Variants in LHPP observed in about 807,000 individuals in gnomAD.
LHPP encodes the protein hLHPP.
LHPP carries 24 observed loss-of-function variants against 30.3 expected under a neutral mutation model. That is an observed-to-expected ratio of 0.79 (90% CI 0.57 to 1.11). The LOEUF is 1.11. LHPP is among the 50% of genes most tolerant of loss of function. LHPP has a pLI of 0.00. For missense variants in LHPP, 356 were observed against 367.2 expected, an observed-to-expected ratio of 0.97 and a Z score of 0.25; for synonymous variants, 150 against 157.1, an observed-to-expected ratio of 0.95 and a Z score of 0.34.
chr10:124,574,324 C>A (rs974785000), intron 6 of LHPP, among the ~76,000 whole-genome samples: 53 of 152,180 alleles, frequency 3.5e-4, no homozygotes, highest in Non-Finnish European at 7.2e-4. Flanking sequence ...AGCAGGCTCG[C>A]CCCCCTGCGA....
At position 124,563,313 on chromosome 10, in the gene LHPP, C is replaced by CTTTTTT. The variant is rs58678509; in HGVS notation, c.716+46052_716+46057dup. Reference sequence around the variant, plus strand: ...AGAAACAATCTCTCTCTCTCTTTTTCTTTTTTTTTTTTTTTGCATAAAATC... The same window carrying CTTTTTT: ...AGAAACAATCTCTCTCTCTCTTTTTCTTTTTTTTTTTTTTTTTTTTTGCATAAAATC... On this transcript the variant is annotated intron_variant, in intron 6 of 6. Transcript: ENST00000368842. Among the ~76,000 whole-genome samples, 255 of 139,016 alleles carry CTTTTTT rather than the reference C, an allele frequency of 1.8e-3. 16 individuals carry two copies. The highest frequency in any genetic ancestry group is 3.3e-3 in the Admixed American group (45 of 13,750). 91.2% of individuals were successfully genotyped at this position (139,016 alleles called of 152,430 possible).
chr10:124,601,983 G>A (rs1949029006), intron 6 of LHPP, among the ~76,000 whole-genome samples: 1 of 152,318 alleles, frequency 6.6e-6, no homozygotes, highest in South Asian at 2.1e-4. Context: ...CTCCATGTGT[G>A]CTGTGCCCCG....
intron 6 of LHPP, among the ~76,000 whole-genome samples, chr10:124,563,712 A>G (rs1038228425): frequency 6.6e-6 from 1 of 152,232 alleles, no homozygotes; most frequent in Non-Finnish European, 1.5e-5. Context: ...CCCCAAATTA[A>G]AAGTTTACTA....
At chr10:124,547,842 C>A (rs1277707827) in intron 6 of LHPP, among the ~76,000 whole-genome samples, 1 of 152,228 alleles carries the variant, frequency 6.6e-6, no homozygotes, top group Admixed American at 6.5e-5. Flanking sequence ...TATCAGCTGT[C>A]CACATATATT....
chr10:124,484,323 G>T lies in LHPP; in HGVS notation c.310G>T (p.Asp104Tyr). ...QGLRPYLLIH[D>Y]GVRSEFDQID... ...CCTGCGACCATACCTGCTCATCCAT[G>T]ACGGTAGGCCTGTCGGACACCAGGA... Residue 104 changes from aspartate to tyrosine, a missense_variant, in exon 2 of 7, where the codon GAC becomes TAC. By Grantham distance (160) the Asp-to-Tyr change is radical (BLOSUM62 -3). Coordinates refer to ENST00000368842, the MANE Select transcript of LHPP (RefSeq NM_022126.4). 6.2e-7 allele frequency: 1 copy of T among 1,612,070 alleles called. No individual in the cohort carries two copies. Among genetic ancestry groups the T allele is most frequent in the Non-Finnish European group, 8.5e-7 (1 of 1,178,480 alleles).
intron 5 of LHPP, among the ~76,000 whole-genome samples, chr10:124,513,829 C>T (rs1486260755): frequency 6.7e-6 from 1 of 149,972 alleles, no homozygotes; most frequent in East Asian, 1.9e-4. Context: ...TAAGCAATAA[C>T]ACATGTTAAT....
chr10:124,517,328 C>T lies in LHPP; in HGVS notation c.716+57C>T, dbSNP rs1425889045. On this transcript the variant is annotated intron_variant, in intron 6 of 6. Transcript: ENST00000368842. The surrounding 1 kb of genome is among the most constrained non-coding windows in gnomAD (Gnocchi z 4.1). Reference sequence around the variant, plus strand: ...TCCTTCCAGGGGATGACCACATTCTCATTCTGTTTTGTTCTTCAAAATAAA... The same window carrying T: ...TCCTTCCAGGGGATGACCACATTCTTATTCTGTTTTGTTCTTCAAAATAAA... 6 of 1,141,112 alleles carry T rather than the reference C, an allele frequency of 5.3e-6. No individual in the cohort carries two copies. The African/African-American group carries it at 7.8e-5, about 15-fold the overall frequency. 70.7% of individuals were successfully genotyped at this position (1,141,112 alleles called of 1,614,324 possible).
chr10:124,519,550 T>C (rs1293567066), intron 6 of LHPP, among the ~76,000 whole-genome samples: 1 of 152,192 alleles, frequency 6.6e-6, no homozygotes, highest in Non-Finnish European at 1.5e-5. Flanking sequence ...CCGAGCAGTA[T>C]ACACTGTACC....
intron 5 of LHPP, among the ~76,000 whole-genome samples, chr10:124,506,089 A>G (rs1954056125): frequency 6.6e-6 from 1 of 152,084 alleles, no homozygotes; most frequent in Non-Finnish European, 1.5e-5. Context: ...ACAAAAAAAT[A>G]CAAAAATTAA....
At chr10:124,504,028 C>T (rs1030155077) in intron 5 of LHPP, among the ~76,000 whole-genome samples, 25 of 152,000 alleles carry the variant, frequency 1.6e-4, no homozygotes, top group African/African-American at 6.0e-4. Context: ...CCCATCTCTA[C>T]TACAAATACA....
At chr10:124,545,607 G>A (rs1037972133) in intron 6 of LHPP, among the ~76,000 whole-genome samples, 1 of 152,094 alleles carries the variant, frequency 6.6e-6, no homozygotes, top group African/African-American at 2.4e-5. Flanking sequence ...AAGAAGGGCC[G>A]AGCTCCACGT....
Position 124,602,433 on chromosome 10 carries a change from T to C in LHPP, c.717-10831T>C, listed in dbSNP as rs1949035919. ...GCTAGCTAGAGGAGCCTCACCTGCA[T>C]CCCGGGGCCTGCCCACTGGCTGGTG... On this transcript the variant is annotated intron_variant, in intron 6 of 6. Transcript: ENST00000368842. 3.3e-5 allele frequency among the ~76,000 whole-genome samples: 5 copies of C among 152,350 alleles called. No individual in the cohort carries two copies. In the South Asian group the frequency reaches 1.0e-3, roughly 32 times the overall value.
Position 124,512,103 on chromosome 10 carries a change from T to G in LHPP, c.625-5077T>G, listed in dbSNP as rs186060799. On this transcript the variant is annotated intron_variant, in intron 5 of 6. Transcript: ENST00000368842. ...ACTGTGGAATTACCTGATTAATGTCTGTCTTTAGCACTTGTCGTGAGCTCC... is the reference window on the plus strand; with the variant it reads ...ACTGTGGAATTACCTGATTAATGTCGGTCTTTAGCACTTGTCGTGAGCTCC... 5.3e-5 allele frequency among the ~76,000 whole-genome samples: 8 copies of G among 152,304 alleles called. No homozygotes were observed. The East Asian group carries it at 1.4e-3, about 26-fold the overall frequency.
intron 1 of LHPP, among the ~76,000 whole-genome samples, chr10:124,474,293 CT>C (rs770628212): frequency 2.0e-5 from 3 of 151,970 alleles, no homozygotes; most frequent in Non-Finnish European, 4.4e-5. Context: ...GTGCACACCA[CT>C]GCACCTGGCC....
chr10:124,473,114 T>C lies in LHPP; in HGVS notation c.126-11025T>C, dbSNP rs564597586. Among the ~76,000 whole-genome samples the C allele has an allele frequency of 3.3e-5, 5 of 152,228 alleles. No individual in the cohort carries two copies. The South Asian group carries it at 1.0e-3, about 32-fold the overall frequency. ...CAGGGTGGGTCTGGCACAGGATTAT[T>C]GGTTTACCCTGCAGGTGCTGCCTCT... On this transcript the variant is annotated intron_variant, in intron 1 of 6. Coordinates refer to ENST00000368842, the MANE Select transcript of LHPP (RefSeq NM_022126.4).
chr10:124,529,811 A>G (rs4998790), intron 6 of LHPP, among the ~76,000 whole-genome samples: 5,524 of 97,120 alleles, frequency 0.057, 351 homozygotes, highest in African/African-American at 0.18. Context: ...ACACACACAC[A>G]CGCACACACA....
At chr10:124,516,383 G>A (rs1473689792) in intron 5 of LHPP, among the ~76,000 whole-genome samples, 1 of 152,170 alleles carries the variant, frequency 6.6e-6, no homozygotes, top group Non-Finnish European at 1.5e-5. Context: ...CTCCTTACAG[G>A]CCCTGTCTCC....
At chr10:124,553,023 G>A (rs1054385301) in intron 6 of LHPP, among the ~76,000 whole-genome samples, 3 of 152,208 alleles carry the variant, frequency 2.0e-5, no homozygotes, top group South Asian at 2.1e-4. Context: ...GATAATGAGC[G>A]CCGCTCAGCG....
At position 124,484,341 on chromosome 10, in the gene LHPP, C is replaced by T; in HGVS notation, c.313+15C>T. 1 of 1,603,880 alleles carries T rather than the reference C, an allele frequency of 6.2e-7. No homozygotes were observed. On this transcript the variant is annotated intron_variant, in intron 2 of 6. Transcript: ENST00000368842. Reference sequence around the variant, plus strand: ...CATCCATGACGGTAGGCCTGTCGGACACCAGGACCTCACGGGGGTGAAAGC... The same window carrying T: ...CATCCATGACGGTAGGCCTGTCGGATACCAGGACCTCACGGGGGTGAAAGC...
Sources: gnomAD v4.1 joint callset for allele counts (sites outside exome capture counted in the v4.1 genomes callset) on GRCh38, gnomAD v4.1.1 for gene constraint, Gnocchi (gnomAD v3.1) non-coding constraint, MANE v1.5 for transcripts, NCBI Gene and HGNC (gene_info 2026-07-23, HGNC 2026-07-21) for gene names.